IL17RB: variants seen among roughly 807,000 people sequenced by gnomAD.
IL17RB encodes interleukin 17 receptor B.
IL17RB carries 36 observed loss-of-function variants against 43.9 expected under a neutral mutation model. The observed-to-expected ratio is 0.82, with a 90% CI of 0.63 to 1.08. The LOEUF is 1.08. Among genes scored for constraint, IL17RB ranks in the 50% least tolerant of loss-of-function variants. IL17RB has a pLI of 0.00. For synonymous variants in IL17RB, 225 were observed against 225.4 expected, an observed-to-expected ratio of 1.00 and a Z score of 0.02; for missense variants, 613 against 613.6, an observed-to-expected ratio of 1.00 and a Z score of 0.01.
At chr3:53,849,415 CCTA>C (rs1202457562) in intron 2 of IL17RB, among the ~76,000 whole-genome samples, 5 of 151,934 alleles carry the variant, frequency 3.3e-5, no homozygotes, top group Non-Finnish European at 5.9e-5. Flanking sequence ...GTGGCTTATA[CCTA>C]TAATCCAAGC....
intron 10 of IL17RB, among the ~76,000 whole-genome samples, chr3:53,862,482 T>G (rs577530762): frequency 2.0e-5 from 3 of 152,338 alleles, no homozygotes; most frequent in East Asian, 3.9e-4. Context: ...TGTGCATGAC[T>G]TCACAGGATT....
intron 10 of IL17RB, among the ~76,000 whole-genome samples, chr3:53,863,871 G>A (rs1201224459): frequency 6.7e-6 from 1 of 149,754 alleles, no homozygotes; most frequent in African/African-American, 2.5e-5. Flanking sequence ...TGCCCAGGCT[G>A]GAGTGGAATG....
rs527915682 is a variant in IL17RB at position 53,853,314 on chromosome 3, G to A, written c.481+317G>A. Among the ~76,000 whole-genome samples the A allele has an allele frequency of 1.2e-4, 18 of 152,364 alleles. No homozygotes were observed. The South Asian group carries it at 3.5e-3, about 30-fold the overall frequency. ...CATTTTACAGATGAAGAAACTGAGAGGTTAAGTCACTTTCCCTGGGTTATA... is the reference window on the plus strand; with the variant it reads ...CATTTTACAGATGAAGAAACTGAGAAGTTAAGTCACTTTCCCTGGGTTATA... On this transcript the variant is annotated intron_variant, in intron 5 of 10. Transcript: ENST00000288167.
intron 6 of IL17RB, among the ~76,000 whole-genome samples, chr3:53,856,173 C>A (rs1699326643): frequency 6.6e-6 from 1 of 152,156 alleles, no homozygotes; most frequent in African/African-American, 2.4e-5. Flanking sequence ...AACCTGAACT[C>A]CTAAAGACAG....
At chr3:53,855,237 G>A in intron 5 of IL17RB, 57 bp from the exon 6 acceptor site, 1 of 1,184,332 alleles carries the variant, frequency 8.4e-7, no homozygotes, top group Non-Finnish European at 1.3e-6. Flanking sequence ...CTTGGCAAAG[G>A]GGGTGGGGCA....
Position 53,865,470 on chromosome 3 carries a change from C to CAAT in IL17RB, c.*163_*164insATA. 1.8e-6 allele frequency: 1 copy of CAAT among 557,118 alleles called. No individual in the cohort carries two copies. The highest frequency in any genetic ancestry group is 3.1e-6 in the Non-Finnish European group (1 of 322,376). The allele number at this position is 557,118 out of a possible 1,614,324, so 34.5% of individuals were successfully genotyped here. On this transcript the variant is annotated 3_prime_UTR_variant, in exon 11 of 11. Coordinates refer to ENST00000288167, the MANE Select transcript of IL17RB (RefSeq NM_018725.4). ...TTTCAAATATTGCTAACTAATGTAG[C>CAAT]ATTAACTAACGATTGGAAACTACAT...
chr3:53,857,668 A>T lies in IL17RB; in HGVS notation c.725A>T (p.Asp242Val), dbSNP rs770489521. 3.7e-6 allele frequency: 6 copies of T among 1,614,006 alleles called. No homozygotes were observed. Among genetic ancestry groups the T allele is most frequent in the Non-Finnish European group, 5.1e-6 (6 of 1,179,990 alleles). Residue 242 changes from aspartate to valine, a missense_variant, in exon 8 of 11, where the codon GAT becomes GTT. Asp to Val is a radical substitution (Grantham distance 152). Coordinates refer to ENST00000288167, the MANE Select transcript of IL17RB (RefSeq NM_018725.4). The part of the protein sequence containing the change: ...RASVVIPVTG[D>V]SEGATVQLTP... Reference sequence around the variant, plus strand: ...TCAGTGGTGATTCCAGTGACTGGGGATAGTGAAGGTGCTACGGTGCAGGTA... The same window carrying T: ...TCAGTGGTGATTCCAGTGACTGGGGTTAGTGAAGGTGCTACGGTGCAGGTA...
At position 53,852,930 on chromosome 3, in the gene IL17RB, C is replaced by G. The variant is rs1393582231; in HGVS notation, c.414C>G (p.Ala138=). ...VELNTVYFIG[A]HNIPNANMNE... ...TGAACACAGTCTATTTCATTGGGGC[C>G]CATAATATTCCTAATGCAAATATGA... The change falls in exon 5 of 11, where the codon GCC becomes GCG. Residue 138 remains alanine, a synonymous_variant. Transcript: ENST00000288167. 3 of 1,612,860 alleles carry G rather than the reference C, an allele frequency of 1.9e-6. No homozygotes were observed. The African/African-American group carries it at 4.0e-5, about 22-fold the overall frequency.
chr3:53,853,142 T>A, intron 5 of IL17RB, 145 bp downstream of exon 5: 1 of 907,624 alleles, frequency 1.1e-6, no homozygotes, highest in Non-Finnish European at 1.7e-6. Flanking sequence ...GACACAGTAG[T>A]AACCATACTT....
chr3:53,855,238 G>T (rs1699289546), intron 5 of IL17RB, 56 bp from the exon 6 acceptor site: 1 of 1,193,184 alleles, frequency 8.4e-7, no homozygotes, highest in Non-Finnish European at 1.2e-6. Context: ...TTGGCAAAGG[G>T]GGTGGGGCAG....
chr3:53,849,599 A>G, intron 2 of IL17RB, 56 bp from the exon 3 acceptor site: 1 of 1,471,196 alleles, frequency 6.8e-7, no homozygotes, highest in East Asian at 2.5e-5. Flanking sequence ...AGGAGATGGC[A>G]TGGCATCAGA....
chr3:53,858,746 A>C lies in IL17RB; in HGVS notation c.775A>C (p.Ser259Arg), dbSNP rs774367452. The C allele has an allele frequency of 5.6e-6, 9 of 1,614,144 alleles. No homozygotes were observed. In the South Asian group the frequency reaches 9.9e-5, roughly 18 times the overall value. The part of the protein sequence containing the change: ...QLTPYFPTCG[S>R]DCIRHKGTVV... ...GACTCCATATTTTCCTACTTGTGGC[A>C]GCGACTGCATCCGACATAAAGGAAC... Residue 259 changes from serine to arginine, a missense_variant, in exon 9 of 11, where the codon AGC becomes CGC. By Grantham distance (110) the Ser-to-Arg change is moderately radical. Coordinates refer to ENST00000288167, the MANE Select transcript of IL17RB (RefSeq NM_018725.4).
At chr3:53,848,296 G>A (rs150925818) in intron 1 of IL17RB, among the ~76,000 whole-genome samples, 37 of 152,332 alleles carry the variant, frequency 2.4e-4, no homozygotes, top group South Asian at 8.3e-4. Flanking sequence ...ACTCTAGGCC[G>A]TCCTAAAAAC....
chr3:53,861,069 G>T (rs1361670640), intron 10 of IL17RB: 1 of 152,170 alleles, frequency 6.6e-6, no homozygotes, highest in Non-Finnish European at 1.5e-5. Flanking sequence ...AGGGTTGCAA[G>T]TATCGACTTA....
chr3:53,862,966 C>G (rs564611731), intron 10 of IL17RB, among the ~76,000 whole-genome samples: 3 of 152,306 alleles, frequency 2.0e-5, no homozygotes, highest in East Asian at 3.9e-4. Context: ...CCTAAGTCAG[C>G]AAGACTAACC....
Position 53,865,255 on chromosome 3 carries a change from G to C in IL17RB, c.1456G>C (p.Val486Leu), listed in dbSNP as rs775704523. 6.2e-7 allele frequency: 1 copy of C among 1,611,906 alleles called. No individual in the cohort carries two copies. Reference protein sequence around the residue: ...CAELLHVKQQVSAGKRSQACH... With the variant: ...CAELLHVKQQLSAGKRSQACH... ...AGAACTTCTCCATGTCAAGCAGCAG[G>C]TGTCAGCAGGAAAAAGATCACAAGC... The change falls in exon 11 of 11, where the codon GTG (valine) becomes CTG (leucine). Residue 486 changes from valine to leucine, a missense_variant. Transcript: ENST00000288167.
chr3:53,858,501 G>A (rs192834300), intron 8 of IL17RB: 4 of 1,400,738 alleles, frequency 2.9e-6, no homozygotes, highest in Non-Finnish European at 3.7e-6. Context: ...CAAAGTTTAG[G>A]TTCAGACCCC....
intron 1 of IL17RB, among the ~76,000 whole-genome samples, chr3:53,847,228 T>C (rs1698947008): frequency 6.6e-6 from 1 of 152,138 alleles, no homozygotes; most frequent in Non-Finnish European, 1.5e-5. Context: ...TAGAATAGCA[T>C]ATAGCATCAA....
chr3:53,864,814 C>T lies in IL17RB; in HGVS notation c.1015C>T (p.Pro339Ser). ...CCCCATTAAGGTTCTTGTGGTTTAC[C>T]CATCTGAAATATGTTTCCATCACAC... ...LPPIKVLVVY[P>S]SEICFHHTIC... The change falls in exon 11 of 11, where the codon CCA (proline) becomes TCA (serine). Residue 339 changes from proline (P) to serine (S), a missense_variant. Transcript: ENST00000288167. 6.2e-7 allele frequency: 1 copy of T among 1,614,052 alleles called. No homozygotes were observed. The highest frequency in any genetic ancestry group is 8.5e-7 in the Non-Finnish European group (1 of 1,179,976).
Sources: gnomAD v4.1 joint callset for allele counts (sites outside exome capture counted in the v4.1 genomes callset) on GRCh38, gnomAD v4.1.1 for gene constraint, MANE v1.5 for transcripts, NCBI Gene and HGNC (gene_info 2026-07-23, HGNC 2026-07-21) for gene names.